Variants in LMBR1 observed in about 807,000 individuals in gnomAD.
LMBR1 encodes the protein limb region 1 protein homolog.
LMBR1 carries 52 observed loss-of-function variants against 73.9 expected under a neutral mutation model. The observed-to-expected ratio is 0.70, with a 90% confidence interval of 0.56 to 0.89. The LOEUF is 0.89. Among genes scored for constraint, LMBR1 ranks in the 40% least tolerant of loss-of-function variants. LMBR1 has a pLI of 0.00. For missense variants in LMBR1, 539 were observed against 579.8 expected (o/e 0.93, Z 0.72); for synonymous variants, 215 against 209.4 (o/e 1.03, Z -0.23).
At chr7:156,842,957 C>T (rs11770690) in intron 1 of LMBR1, among the ~76,000 whole-genome samples, 16,096 of 152,192 alleles carry the variant, frequency 0.11, 1,149 homozygotes, top group East Asian at 0.29. Flanking sequence ...TGCTTGCAGA[C>T]TTCTACCTTT....
Position 156,707,927 on chromosome 7 carries a change from C to A in LMBR1, c.1225+16185G>T, listed in dbSNP as rs538794435. ...GTTCGTTCATGATATGATCTTATCT[C>A]TAGAAAAACCTAATGGATCCCCCCA... On this transcript the variant is annotated intron_variant, in intron 15 of 16. Coordinates refer to ENST00000353442, the MANE Select transcript of LMBR1 (RefSeq NM_022458.4). 2.0e-5 allele frequency among the ~76,000 whole-genome samples: 3 copies of A among 151,778 alleles called. No homozygotes were observed. In the East Asian group the frequency reaches 5.8e-4, roughly 29 times the overall value.
chr7:156,867,976 AT>A (rs1798711366), intron 1 of LMBR1, among the ~76,000 whole-genome samples: 2 of 152,182 alleles, frequency 1.3e-5, no homozygotes, highest in Non-Finnish European at 2.9e-5. Flanking sequence ...GCTGGGTGCC[AT>A]GGCTCATTCC....
chr7:156,832,566 C>A (rs1836872446), intron 3 of LMBR1, among the ~76,000 whole-genome samples: 1 of 152,198 alleles, frequency 6.6e-6, no homozygotes, highest in Non-Finnish European at 1.5e-5. Context: ...TTGTGTCTGG[C>A]TTCGCTCACT....
intron 5 of LMBR1, among the ~76,000 whole-genome samples, chr7:156,768,430 G>A (rs1024856421): frequency 3.9e-5 from 6 of 152,086 alleles, no homozygotes; most frequent in Non-Finnish European, 8.8e-5. Context: ...GCATGTTTAT[G>A]CAAATTTGAT....
chr7:156,799,166 C>T (rs1263163221), intron 4 of LMBR1, among the ~76,000 whole-genome samples: 2 of 150,264 alleles, frequency 1.3e-5, no homozygotes, highest in African/African-American at 4.9e-5. Context: ...TGCACCACTG[C>T]ACTACAGCCT....
chr7:156,834,774 T>C (rs932005226), intron 2 of LMBR1, among the ~76,000 whole-genome samples: 2 of 151,806 alleles, frequency 1.3e-5, no homozygotes, highest in African/African-American at 4.8e-5. Flanking sequence ...ACACTCTCCT[T>C]CTCGCTCATG....
At chr7:156,728,313 A>C (rs1816174367) in intron 11 of LMBR1, among the ~76,000 whole-genome samples, 1 of 152,222 alleles carries the variant, frequency 6.6e-6, no homozygotes, top group African/African-American at 2.4e-5. Flanking sequence ...TATTATCAGA[A>C]CTAACTTCAT....
At chr7:156,731,488 A>G (rs1816823350) in intron 10 of LMBR1, among the ~76,000 whole-genome samples, 1 of 152,246 alleles carries the variant, frequency 6.6e-6, no homozygotes, top group Non-Finnish European at 1.5e-5. Flanking sequence ...ATTGCTAAAC[A>G]AAGACAAAAG....
chr7:156,675,728 A>C (rs201397806), downstream of LMBR1: 3 of 1,613,810 alleles, frequency 1.9e-6, no homozygotes, highest in African/African-American at 4.0e-5. Flanking sequence ...TCCTGTGCTC[A>C]TACAACACCA....
intron 5 of LMBR1, among the ~76,000 whole-genome samples, chr7:156,789,878 C>G (rs1370037504): frequency 6.6e-6 from 1 of 150,914 alleles, no homozygotes; most frequent in African/African-American, 2.5e-5. Flanking sequence ...TTCTATAAAA[C>G]TGTTTCATGA....
intron 4 of LMBR1, among the ~76,000 whole-genome samples, chr7:156,800,009 C>A (rs1195583457): frequency 1.3e-5 from 2 of 152,274 alleles, no homozygotes; most frequent in Non-Finnish European, 2.9e-5. Context: ...CTGAAGCTAC[C>A]AGAGGTTGGT....
Position 156,756,410 on chromosome 7 carries a change from A to T in LMBR1, c.740T>A (p.Leu247His). ...IYIITLEEEALQRRLNGLSSS... is the reference protein window; with the variant it reads ...IYIITLEEEAHQRRLNGLSSS... ...AAACATACCATTTAGTCGTCTCTGG[A>T]GTGCTTCTTCCTCTAAGGTAATGAT... Residue 247 changes from leucine (L) to histidine (H), a missense_variant, in exon 9 of 17, where the codon CTC (leucine) becomes CAC (histidine). Leu to His is a moderately conservative substitution (Grantham distance 99). This residue lies in a region of LMBR1 where 454 missense variants were observed against 473.4 expected (regional missense o/e 0.96). Coordinates refer to ENST00000353442, the MANE Select transcript of LMBR1 (RefSeq NM_022458.4). 1.3e-6 allele frequency: 2 copies of T among 1,496,920 alleles called. No individual in the cohort carries two copies. The highest frequency in any genetic ancestry group is 1.8e-6 in the Non-Finnish European group (2 of 1,081,192). 92.7% of individuals were successfully genotyped at this position (1,496,920 alleles called of 1,614,324 possible).
chr7:156,863,107 T>G (rs868206090), intron 1 of LMBR1, among the ~76,000 whole-genome samples: 4 of 152,142 alleles, frequency 2.6e-5, no homozygotes, highest in African/African-American at 9.7e-5. Context: ...TAATAGAAGA[T>G]ATATATATGT....
intron 1 of LMBR1, among the ~76,000 whole-genome samples, chr7:156,886,239 C>G (rs944423972): frequency 6.6e-6 from 1 of 152,050 alleles, no homozygotes; most frequent in Non-Finnish European, 1.5e-5. Flanking sequence ...AGCATCCTCC[C>G]GCAGAGCACA....
chr7:156,836,825 T>G lies in LMBR1; in HGVS notation c.127A>C (p.Lys43Gln). ...VVSYFIITRY[K>Q]RKSDEQEDED... is the part of the protein sequence containing the mutation. ...TGTTTCCACTTGCCTGATTTTCTCT[T>G]GTATCTTGTGATGATGAAGTAGGAA... The change falls in exon 2 of 17, where the codon AAG (lysine) becomes CAG (glutamine). Residue 43 changes from lysine (K) to glutamine (Q), a missense_variant. By Grantham distance (53) the Lys-to-Gln change is moderately conservative. This residue lies in a region of LMBR1 where 454 missense variants were observed against 473.4 expected (regional missense o/e 0.96). Coordinates refer to ENST00000353442, the MANE Select transcript of LMBR1 (RefSeq NM_022458.4). 1 of 1,575,102 alleles carries G rather than the reference T, an allele frequency of 6.3e-7. No individual in the cohort carries two copies. Among genetic ancestry groups the G allele is most frequent in the Non-Finnish European group, 8.7e-7 (1 of 1,156,044 alleles).
At chr7:156,830,487 T>C (rs564603275) in intron 3 of LMBR1, among the ~76,000 whole-genome samples, 1 of 152,346 alleles carries the variant, frequency 6.6e-6, no homozygotes, top group Admixed American at 6.5e-5. Flanking sequence ...AATTATTCAG[T>C]AAGATGTATA....
intron 1 of LMBR1, among the ~76,000 whole-genome samples, chr7:156,840,488 G>A (rs547995496): frequency 3.9e-4 from 60 of 152,098 alleles, no homozygotes; most frequent in African/African-American, 1.4e-3. Context: ...ACAATGAGTG[G>A]GCAGAAGTAA....
At chr7:156,719,791 A>T (rs182604022) in intron 15 of LMBR1, among the ~76,000 whole-genome samples, 289 of 152,350 alleles carry the variant, frequency 1.9e-3, no homozygotes, top group African/African-American at 6.2e-3. Flanking sequence ...GCCCTCAGAA[A>T]TAATGCCGCA....
intron 15 of LMBR1, among the ~76,000 whole-genome samples, chr7:156,699,141 T>C (rs985628763): frequency 4.6e-5 from 7 of 152,058 alleles, no homozygotes; most frequent in Non-Finnish European, 7.4e-5. Context: ...CCAGTCTCTT[T>C]GCTAAAACAT....
Sources: allele counts gnomAD v4.1 joint callset (sites outside exome capture counted in the v4.1 genomes callset), GRCh38; gene constraint gnomAD v4.1.1; regional missense constraint gnomAD v4.1.1; transcripts MANE v1.5; gene names NCBI Gene and HGNC (gene_info 2026-07-23, HGNC 2026-07-21).